Variants in MYH16 observed in about 807,000 individuals in gnomAD.
The protein encoded by MYH16 is putative uncharacterized protein MYH16.
rs112727681 is a variant in MYH16 at position 99,295,097 on chromosome 7, G to A, written n.4282+947G>A. ...TTTGCCCCTGAAAGTTACATAATAC[G>A]GCCGGGCGCGGTGGCTCATGCCTGT... On this transcript the variant is annotated intron_variant and non_coding_transcript_variant, in intron 33 of 41. Coordinates refer to ENST00000439784, the Ensembl canonical transcript of MYH16. 7.2e-3 allele frequency among the ~76,000 whole-genome samples: 1,088 copies of A among 152,006 alleles called. 16 individuals carry two copies. Among genetic ancestry groups the A allele is most frequent in the African/African-American group, 0.025 (1,037 of 41,502 alleles).
chr7:99,278,458 C>T (rs1792149152), intron 21 of MYH16, among the ~76,000 whole-genome samples: 2 of 152,156 alleles, frequency 1.3e-5, no homozygotes, highest in South Asian at 4.2e-4. Context: ...AAAGAATAAA[C>T]GATGTCATTT....
At chr7:99,268,203 A>T (rs1460760120) in intron 18 of MYH16, among the ~76,000 whole-genome samples, 1 of 152,172 alleles carries the variant, frequency 6.6e-6, no homozygotes, top group Non-Finnish European at 1.5e-5. Flanking sequence ...CACAATTAAG[A>T]TGTGCTGTAA....
chr7:99,283,800 A>C, intron 24 of MYH16, 73 bp from the exon 7 acceptor site: 3 of 432,508 alleles, frequency 6.9e-6, no homozygotes, highest in Non-Finnish European at 1.4e-5. Context: ...GATCGGACCC[A>C]GTCTGGTTCC....
intron 5 of MYH16, among the ~76,000 whole-genome samples, chr7:99,250,271 G>T (rs1791794440): frequency 6.6e-6 from 1 of 152,168 alleles, no homozygotes; most frequent in African/African-American, 2.4e-5. Flanking sequence ...CCTCCCCGAG[G>T]ACTTGTTCTG....
intron 11 of MYH16, chr7:99,260,136 C>T: frequency 6.4e-7 from 1 of 1,573,032 alleles, no homozygotes; most frequent in Non-Finnish European, 8.7e-7. Flanking sequence ...GTGCTGACGC[C>T]CCTCTTTCTG....
chr7:99,291,270 G>A (rs1792369952), intron 30 of MYH16, 53 bp from the exon 12 acceptor site: 1 of 447,950 alleles, frequency 2.2e-6, no homozygotes, highest in African/African-American at 2.0e-5. Context: ...CTTTGGATCT[G>A]GCTGGGGAAC....
rs7780315 is a variant in MYH16, at chr7:99,305,347, C to A, written n.5435-489C>A. 3.5e-4 allele frequency among the ~76,000 whole-genome samples: 54 copies of A among 152,318 alleles called. 1 individual carries two copies. In the South Asian group the frequency reaches 1.0e-2, roughly 28 times the overall value. On this transcript the variant is annotated intron_variant and non_coding_transcript_variant, in intron 40 of 41. Coordinates refer to ENST00000439784, the Ensembl canonical transcript of MYH16. Reference sequence around the variant, plus strand: ...AGAATGTCCTTAGCCTCAAGCAGAGCAGTCCCCAATATTCTCCTTGCCTTT... The same window carrying A: ...AGAATGTCCTTAGCCTCAAGCAGAGAAGTCCCCAATATTCTCCTTGCCTTT...
intron 29 of MYH16, among the ~76,000 whole-genome samples, chr7:99,288,899 G>A (rs2150825950): frequency 6.6e-6 from 1 of 151,884 alleles, no homozygotes. Flanking sequence ...CAGATCACTT[G>A]AGCCCAGTTC....
chr7:99,278,099 C>T (rs1314565334), intron 21 of MYH16, among the ~76,000 whole-genome samples: 2 of 152,064 alleles, frequency 1.3e-5, no homozygotes, highest in Non-Finnish European at 2.9e-5. Flanking sequence ...GCTGGGACTA[C>T]ACCACCATGC....
chr7:99,287,743 C>A, intron 28 of MYH16, 149 bp from the exon 10 acceptor site: 1 of 358,654 alleles, frequency 2.8e-6, no homozygotes, highest in South Asian at 2.1e-5. Flanking sequence ...GCAACCCCCA[C>A]CCCCCAAAGG....
intron 37 of MYH16, among the ~76,000 whole-genome samples, chr7:99,300,590 G>T (rs1015398049): frequency 1.3e-5 from 2 of 152,104 alleles, no homozygotes; most frequent in African/African-American, 4.8e-5. Context: ...ATTGCTTGAC[G>T]CCAGGCTTGA....
chr7:99,289,521 AGAG>A (rs578031160), intron 30 of MYH16, 117 bp downstream of exon 11: 605 of 181,796 alleles, frequency 3.3e-3, no homozygotes, highest in Non-Finnish European at 4.5e-3. Flanking sequence ...CCTTGTGATG[AGAG>A]GAGGAGATTT....
At chr7:99,291,423 C>A (rs1474140527) in exon 31 of MYH16, 2 of 456,440 alleles carry the variant, frequency 4.4e-6, no homozygotes, top group African/African-American at 4.0e-5. Context: ...TGGATGATTA[C>A]AAGAGGCAGC....
intron 28 of MYH16, among the ~76,000 whole-genome samples, chr7:99,287,287 C>T (rs1403180563): frequency 6.6e-6 from 1 of 152,068 alleles, no homozygotes; most frequent in East Asian, 1.9e-4. Flanking sequence ...ACTCCCAGCA[C>T]TTTGGGAGGC....
intron 32 of MYH16, among the ~76,000 whole-genome samples, chr7:99,293,511 C>T (rs1458062787): frequency 6.6e-6 from 1 of 152,174 alleles, no homozygotes; most frequent in East Asian, 1.9e-4. Flanking sequence ...AATCTCAACC[C>T]CTAAGCTTGT....
chr7:99,300,781 G>A (rs1473046832), intron 37 of MYH16, among the ~76,000 whole-genome samples: 1 of 152,122 alleles, frequency 6.6e-6, no homozygotes, highest in Admixed American at 6.6e-5. Context: ...ACTCCAACCT[G>A]GGTGACAGAG....
At chr7:99,296,178 A>C (rs1792488167) in intron 33 of MYH16, among the ~76,000 whole-genome samples, 1 of 151,782 alleles carries the variant, frequency 6.6e-6, no homozygotes, top group Admixed American at 6.6e-5. Context: ...AAAGTCCTAA[A>C]ACTCAAAAAG....
At chr7:99,264,580 G>A (rs1330726230) in intron 15 of MYH16, among the ~76,000 whole-genome samples, 2 of 152,220 alleles carry the variant, frequency 1.3e-5, no homozygotes, top group Admixed American at 6.5e-5. Context: ...TGGCTGGCAG[G>A]TCTTGGGCTG....
chr7:99,292,830 C>T (rs1299443861), intron 32 of MYH16, among the ~76,000 whole-genome samples: 5 of 151,932 alleles, frequency 3.3e-5, no homozygotes, highest in Non-Finnish European at 7.4e-5. Flanking sequence ...CATGGTGGCA[C>T]GTGCCTGTAG....
Sources: gnomAD v4.1 joint callset for allele counts (sites outside exome capture counted in the v4.1 genomes callset) on GRCh38, gnomAD v4.1.1 for gene constraint, MANE v1.5 for transcripts, NCBI Gene and HGNC (gene_info 2026-07-23, HGNC 2026-07-21) for gene names.